Variants in SMYD3 observed in about 807,000 individuals in gnomAD.
The protein encoded by SMYD3 is SET and MYND domain containing 3.
In SMYD3, 36 loss-of-function variants were observed where a neutral mutation model predicts 57.7. The observed-to-expected ratio is 0.62, with a 90% CI of 0.48 to 0.82. The LOEUF is 0.82. SMYD3 is among the 40% of genes least tolerant of loss of function. The pLI is 0.00. For synonymous variants in SMYD3, 211 were observed against 195.0 expected (o/e 1.08, Z -0.68); for missense variants, 515 against 538.8 (o/e 0.96, Z 0.44).
intron 5 of SMYD3, among the ~76,000 whole-genome samples, chr1:246,197,282 G>A (rs965221232): frequency 7.2e-5 from 11 of 152,168 alleles, no homozygotes; most frequent in Non-Finnish European, 2.9e-5. Flanking sequence ...GCCTAGTGAC[G>A]TCCCTGTGAC....
At chr1:245,830,897 T>C (rs994126944) in intron 10 of SMYD3, among the ~76,000 whole-genome samples, 3 of 152,130 alleles carry the variant, frequency 2.0e-5, no homozygotes, top group Non-Finnish European at 2.9e-5. Context: ...AGTTTTAGAA[T>C]TGGCATTTAG....
intron 5 of SMYD3, among the ~76,000 whole-genome samples, chr1:246,284,984 A>G (rs1407010154): frequency 6.8e-6 from 1 of 147,918 alleles, no homozygotes; most frequent in Non-Finnish European, 1.5e-5. Context: ...TTATTTCCAT[A>G]GGTTTTTGGG....
chr1:246,045,135 G>A (rs1295916304), intron 5 of SMYD3, among the ~76,000 whole-genome samples: 10 of 152,160 alleles, frequency 6.6e-5, no homozygotes, highest in Non-Finnish European at 1.0e-4. Flanking sequence ...AAACTACTTT[G>A]AAGTTCATAT....
intron 5 of SMYD3, among the ~76,000 whole-genome samples, chr1:245,977,195 C>A (rs1469295957): frequency 6.6e-6 from 1 of 152,216 alleles, no homozygotes; most frequent in South Asian, 2.1e-4. Context: ...TTCAGTCACA[C>A]CCACATTTCA....
At chr1:246,153,069 A>G (rs577988531) in intron 5 of SMYD3, among the ~76,000 whole-genome samples, 85 of 152,270 alleles carry the variant, frequency 5.6e-4, no homozygotes, top group South Asian at 8.3e-4. Context: ...ACCGTATCAC[A>G]TGGTGCAGAA....
chr1:246,346,811 CAT>C (rs2065727296), intron 2 of SMYD3, among the ~76,000 whole-genome samples: 2 of 152,090 alleles, frequency 1.3e-5, no homozygotes, highest in Admixed American at 1.3e-4. Flanking sequence ...GGCAAAAAAA[CAT>C]AGTTTGAAGA....
At chr1:246,235,594 C>T (rs906595068) in intron 5 of SMYD3, among the ~76,000 whole-genome samples, 10 of 152,190 alleles carry the variant, frequency 6.6e-5, no homozygotes, top group Admixed American at 5.9e-4. Context: ...AGCTCACAGG[C>T]AGTATCAGAC....
At chr1:246,235,609 A>G (rs2063502285) in intron 5 of SMYD3, among the ~76,000 whole-genome samples, 1 of 152,192 alleles carries the variant, frequency 6.6e-6, no homozygotes, top group African/African-American at 2.4e-5. Context: ...TCAGACTCAC[A>G]GTAGTACCAA....
rs181168559 is a variant in SMYD3, at chr1:245,964,159, G to A, written c.532-34222C>T. On this transcript the variant is annotated intron_variant, in intron 5 of 11. Transcript: ENST00000490107. The stretch of plus-strand genomic sequence containing the variant: ...GATGGAGGGAGCAAGAAAAGGGAAG[G>A]AGAGCCAGACTCTTAACAACCAGCT... 6.3e-3 allele frequency among the ~76,000 whole-genome samples: 966 copies of A among 152,272 alleles called. 4 individuals are homozygous for A. The highest frequency in any genetic ancestry group is 0.014 in the Middle Eastern group (4 of 294).
At chr1:246,252,496 A>G (rs985385302) in intron 5 of SMYD3, among the ~76,000 whole-genome samples, 2 of 152,230 alleles carry the variant, frequency 1.3e-5, no homozygotes, top group South Asian at 4.1e-4. Context: ...AAACATATGT[A>G]TAACTGCACT....
chr1:246,118,812 C>CTT (rs10623626), intron 5 of SMYD3, among the ~76,000 whole-genome samples: 63,076 of 139,060 alleles, frequency 0.45, 18,170 homozygotes, highest in Non-Finnish European at 0.64. Context: ...GAGGCACGTG[C>CTT]TTTTTTTTTT....
At chr1:246,277,713 G>A (rs1188572950) in intron 5 of SMYD3, among the ~76,000 whole-genome samples, 1 of 152,192 alleles carries the variant, frequency 6.6e-6, no homozygotes. Flanking sequence ...ACAAACTACT[G>A]ACACAAACGA....
intron 1 of SMYD3, among the ~76,000 whole-genome samples, chr1:246,423,587 G>GC (rs1211148601): frequency 2.6e-5 from 4 of 152,116 alleles, no homozygotes; most frequent in Non-Finnish European, 4.4e-5. Context: ...TGCAGCCCCA[G>GC]CTACCCAGGA....
At chr1:245,835,122 CTTTTT>C (rs11449373) in intron 10 of SMYD3, among the ~76,000 whole-genome samples, 1 of 134,062 alleles carries the variant, frequency 7.5e-6, no homozygotes, top group East Asian at 2.1e-4. Context: ...GGCAGGTTTC[CTTTTT>C]TTTTTTTTTT....
intron 5 of SMYD3, among the ~76,000 whole-genome samples, chr1:246,076,130 G>T (rs750619312): frequency 6.6e-6 from 1 of 151,974 alleles, no homozygotes; most frequent in Non-Finnish European, 1.5e-5. Context: ...ATTTAAACAC[G>T]CACATAAACA....
At chr1:245,855,347 C>T (rs1243081861) in intron 10 of SMYD3, among the ~76,000 whole-genome samples, 1 of 151,968 alleles carries the variant, frequency 6.6e-6, no homozygotes, top group South Asian at 2.1e-4. Flanking sequence ...ATAGCCCATA[C>T]AGTGGTGCTA....
intron 8 of SMYD3, among the ~76,000 whole-genome samples, chr1:245,903,586 T>C (rs1278527903): frequency 6.6e-6 from 1 of 152,160 alleles, no homozygotes; most frequent in African/African-American, 2.4e-5. Context: ...ACTGAAGACA[T>C]AGAACAAACT....
intron 5 of SMYD3, among the ~76,000 whole-genome samples, chr1:246,021,408 G>A (rs759669462): frequency 3.9e-5 from 6 of 152,154 alleles, no homozygotes; most frequent in Non-Finnish European, 7.3e-5. Context: ...CCCACACTGC[G>A]CCACAGAGCC....
At chr1:245,852,639 CAT>C (rs538692033) in intron 10 of SMYD3, among the ~76,000 whole-genome samples, 4 of 152,146 alleles carry the variant, frequency 2.6e-5, no homozygotes, top group Non-Finnish European at 4.4e-5. Context: ...TAGTCATTGT[CAT>C]ATCTTCTTTC....
Sources: allele counts gnomAD v4.1 joint callset (sites outside exome capture counted in the v4.1 genomes callset), GRCh38; gene constraint gnomAD v4.1.1; transcripts MANE v1.5; gene names NCBI Gene and HGNC (gene_info 2026-07-23, HGNC 2026-07-21).